The following ACOT11 variants were observed in gnomAD, a reference collection of about 807,000 sequenced individuals.
ACOT11 encodes acyl-CoA thioesterase 11, also known as acyl-coenzyme A thioesterase 11.
In ACOT11, 69 loss-of-function variants were observed where a neutral mutation model predicts 77.5. The observed-to-expected ratio is 0.89, with a 90% confidence interval of 0.73 to 1.09. ACOT11 has a LOEUF of 1.09. ACOT11 is among the 50% of genes least tolerant of loss of function. The pLI, the probability that ACOT11 is intolerant of heterozygous loss-of-function variation, is 0.00. For synonymous variants in ACOT11, 279 were observed against 313.0 expected (o/e 0.89, Z 1.15); for missense variants, 766 against 813.7 (o/e 0.94, Z 0.71).
chr1:54,564,167 G>A (rs142751676), intron 1 of ACOT11, among the ~76,000 whole-genome samples: 2,478 of 151,922 alleles, frequency 0.016, 54 homozygotes, highest in African/African-American at 0.056. Context: ...TTGAGCCTGG[G>A]ACGTAGAGGC....
intron 1 of ACOT11, among the ~76,000 whole-genome samples, chr1:54,572,500 C>T (rs1653958277): frequency 6.6e-6 from 1 of 152,144 alleles, no homozygotes; most frequent in Non-Finnish European, 1.5e-5. Flanking sequence ...ACCGTCAGGG[C>T]CTGTGGCATG....
At chr1:54,612,360 A>G, downstream of ACOT11, 1 of 660,554 alleles carries the variant, frequency 1.5e-6, no homozygotes, top group Middle Eastern at 3.7e-4. Context: ...GACTCTGCAG[A>G]GGGCATGAGC....
chr1:54,621,406 C>T (rs1457594320), intron 15 of ACOT11: 2 of 151,982 alleles, frequency 1.3e-5, no homozygotes, highest in African/African-American at 4.8e-5. Context: ...GCACTGAACC[C>T]AGATCATGCT....
chr1:54,559,542 T>C (rs1347938666), intron 1 of ACOT11, among the ~76,000 whole-genome samples: 1 of 152,114 alleles, frequency 6.6e-6, no homozygotes, highest in Non-Finnish European at 1.5e-5. Context: ...GGAATAGAGA[T>C]GTTGAAAAAA....
At chr1:54,622,036 G>A (rs755307258) in intron 15 of ACOT11, among the ~76,000 whole-genome samples, 4 of 152,148 alleles carry the variant, frequency 2.6e-5, no homozygotes, top group African/African-American at 4.8e-5. Flanking sequence ...CACTTTGGGA[G>A]GCCAAGGTGG....
Position 54,602,727 on chromosome 1 carries a change from G to C in ACOT11, c.1085+3G>C. The C allele has an allele frequency of 6.5e-7, 1 of 1,545,632 alleles. No individual in the cohort carries two copies. The highest frequency in any genetic ancestry group is 8.7e-7 in the Non-Finnish European group (1 of 1,146,526). ...AGAAAGAAGATCCGCCTGGACAGGT[G>C]AGTAGGGGCTGAGTGGTGGGCAGAA... On this transcript the variant is annotated splice_donor_region_variant and intron_variant, in intron 10 of 15. Coordinates refer to ENST00000343744, the MANE Select transcript of ACOT11 (RefSeq NM_147161.4).
intron 1 of ACOT11, among the ~76,000 whole-genome samples, chr1:54,574,324 T>C (rs1436943469): frequency 2.0e-5 from 3 of 152,210 alleles, no homozygotes; most frequent in African/African-American, 7.2e-5. Flanking sequence ...GCTCACACTC[T>C]GCAGCCCAGC....
At chr1:54,589,209 GT>G (rs1411862185) in intron 3 of ACOT11, among the ~76,000 whole-genome samples, 3 of 151,576 alleles carry the variant, frequency 2.0e-5, no homozygotes, top group Non-Finnish European at 4.4e-5. Flanking sequence ...TAGAGATGGG[GT>G]TTCACCATAT....
chr1:54,554,037 G>C (rs1246991391), intron 1 of ACOT11, among the ~76,000 whole-genome samples: 1 of 151,994 alleles, frequency 6.6e-6, no homozygotes, highest in Non-Finnish European at 1.5e-5. Flanking sequence ...GCCAGGTGTG[G>C]TAGCACGCGC....
At chr1:54,598,299 C>T (rs1643913442) in intron 7 of ACOT11, 1 of 152,240 alleles carries the variant, frequency 6.6e-6, no homozygotes. Context: ...GGGAGGGCTT[C>T]TGGATAGTGG....
At chr1:54,626,340 A>G (rs1644272607) in intron 15 of ACOT11, among the ~76,000 whole-genome samples, 1 of 152,166 alleles carries the variant, frequency 6.6e-6, no homozygotes, top group African/African-American at 2.4e-5. Context: ...ACAACAAACC[A>G]CTAGAATTAT....
chr1:54,625,351 G>A (rs190502625), intron 15 of ACOT11, among the ~76,000 whole-genome samples: 24 of 152,282 alleles, frequency 1.6e-4, no homozygotes, highest in African/African-American at 5.5e-4. Context: ...GTCTGCTCAG[G>A]AGACAGTAAG....
chr1:54,628,167 C>G lies in ACOT11; in HGVS notation c.1630-2567C>G, dbSNP rs1329871761. On this transcript the variant is annotated intron_variant, in intron 15 of 16. Transcript: ENST00000371316. ...TTTCAGCACTGCTCACCCCTGCACC[C>G]CGGCAGAGCCACAGGACTTCCCACA... The G allele has an allele frequency of 3.8e-5, 5 of 133,306 alleles. 2 individuals carry two copies. The highest frequency in any genetic ancestry group is 8.5e-5 in the Non-Finnish European group (5 of 58,902). The allele number at this position is 133,306 out of a possible 1,614,324, so 8.3% of individuals were successfully genotyped here. A position where few individuals can be genotyped will look rare whatever the true frequency, so the allele number is the denominator to read the frequency against.
In ACOT11 at chr1:54,553,087, A is replaced by G. The variant is rs574414758; in HGVS notation, c.33+4745A>G. ...GGTGAGCCACCCGCCTAGGCCTCCCAAAGTGCTGGGATTACAGGCGTGAAC... is the reference window on the plus strand; with the variant it reads ...GGTGAGCCACCCGCCTAGGCCTCCCGAAGTGCTGGGATTACAGGCGTGAAC... On this transcript the variant is annotated intron_variant, in intron 1 of 15. Coordinates refer to ENST00000343744, the MANE Select transcript of ACOT11 (RefSeq NM_147161.4). Among the ~76,000 whole-genome samples, 3 of 151,296 alleles carry G rather than the reference A, an allele frequency of 2.0e-5. No homozygotes were observed. In the East Asian group the frequency reaches 6.0e-4, roughly 30 times the overall value.
rs1188309327 is a variant in ACOT11, at chr1:54,609,252, C to A, written c.*140C>A. On this transcript the variant is annotated 3_prime_UTR_variant, in exon 16 of 16. Coordinates refer to ENST00000343744, the MANE Select transcript of ACOT11 (RefSeq NM_147161.4). ...GCCTCCGCCCTGAGGTCCGCTGGCC[C>A]ACCACCCCTGGGTGCTCAGTTTCTA... 5 of 1,595,724 alleles carry A rather than the reference C, an allele frequency of 3.1e-6. No individual in the cohort carries two copies. Among genetic ancestry groups the A allele is most frequent in the Non-Finnish European group, 4.3e-6 (5 of 1,168,876 alleles).
At chr1:54,612,685 A>G, downstream of ACOT11, 1 of 1,613,856 alleles carries the variant, frequency 6.2e-7, no homozygotes, top group Non-Finnish European at 8.5e-7. Context: ...GCCTTGGGAT[A>G]CTTCTCCTGG....
intron 1 of ACOT11, among the ~76,000 whole-genome samples, chr1:54,557,391 CAAAA>C (rs71045195): frequency 1.0e-5 from 1 of 98,258 alleles, no homozygotes; most frequent in Non-Finnish European, 2.1e-5. Flanking sequence ...GATTCCATCT[CAAAA>C]AAAAAAAAAA....
chr1:54,599,910 A>C (rs962376483), intron 8 of ACOT11, among the ~76,000 whole-genome samples: 7 of 152,266 alleles, frequency 4.6e-5, no homozygotes, highest in Non-Finnish European at 8.8e-5. Context: ...TTCAGAGGTC[A>C]TTATTTAATT....
At chr1:54,589,945 G>A (rs917874814) in intron 3 of ACOT11, among the ~76,000 whole-genome samples, 2 of 152,040 alleles carry the variant, frequency 1.3e-5, no homozygotes, top group African/African-American at 2.4e-5. Flanking sequence ...AAAATTCGCC[G>A]GGCATGGTGG....
Sources: gnomAD v4.1 joint callset for allele counts (sites outside exome capture counted in the v4.1 genomes callset) on GRCh38, gnomAD v4.1.1 for gene constraint, MANE v1.5 for transcripts, NCBI Gene and HGNC (gene_info 2026-07-23, HGNC 2026-07-21) for gene names.